The following CLDN16 variants were observed in gnomAD, a reference collection of about 807,000 sequenced individuals.
CLDN16 encodes the protein claudin 16, also known as claudin-16.
CLDN16 carries 13 observed loss-of-function variants against 24.6 expected under a neutral mutation model. The observed-to-expected ratio is 0.53, with a 90% confidence interval of 0.34 to 0.84. The LOEUF (loss-of-function observed/expected upper bound fraction) is 0.84. CLDN16 is among the 40% of genes least tolerant of loss of function. The pLI is 0.01. For missense variants in CLDN16, 298 were observed against 292.7 expected (o/e 1.02, Z -0.13); for synonymous variants, 116 against 106.7 (o/e 1.09, Z -0.54).
At chr3:190,376,980 C>T (rs1718261405) in intron 3 of CLDN16, among the ~76,000 whole-genome samples, 1 of 151,900 alleles carries the variant, frequency 6.6e-6, no homozygotes, top group South Asian at 2.1e-4. Flanking sequence ...ATGATGAAAC[C>T]TGAGTCTAGA....
At chr3:190,407,887 C>T (rs141841751) in intron 3 of CLDN16, among the ~76,000 whole-genome samples, 12 of 152,266 alleles carry the variant, frequency 7.9e-5, no homozygotes, top group African/African-American at 2.6e-4. Context: ...GATATTTACT[C>T]ACAATTTAAA....
upstream of CLDN16, chr3:190,322,396 G>A (rs570196629): frequency 3.2e-6 from 2 of 629,386 alleles, no homozygotes; most frequent in East Asian, 5.5e-5. Flanking sequence ...GGGCGGCGCT[G>A]GAGTCTGGAT....
chr3:190,394,502 T>A (rs1313455842), intron 1 of CLDN16, among the ~76,000 whole-genome samples: 2 of 152,162 alleles, frequency 1.3e-5, no homozygotes, highest in Admixed American at 1.3e-4. Flanking sequence ...ATTAAAATTA[T>A]TATATCCAGC....
At chr3:190,388,085 C>T (rs376639837), upstream of CLDN16, 30 of 1,601,536 alleles carry the variant, frequency 1.9e-5, no homozygotes, top group East Asian at 5.4e-4. Context: ...CTTGCACTGA[C>T]CTGCCTTCTG....
At chr3:190,305,942 T>C in the CLDN16 span, 33 of 152,312 alleles carry the variant, frequency 2.2e-4, 1 homozygote, top group African/African-American at 7.7e-4. Flanking sequence ...ATCATGAAGA[T>C]CTATGTATGT....
chr3:190,308,372 G>A, the CLDN16 span: 1 of 1,613,810 alleles, frequency 6.2e-7, no homozygotes, highest in Admixed American at 1.7e-5. Flanking sequence ...CAGCAAAGTA[G>A]GGCACCTCCC....
the CLDN16 span, among the ~76,000 whole-genome samples, chr3:190,291,378 G>T: frequency 6.6e-6 from 1 of 152,136 alleles, no homozygotes; most frequent in African/African-American, 2.4e-5. Flanking sequence ...AATCATGGTG[G>T]AAGGGGAGGC....
intron 2 of CLDN16, among the ~76,000 whole-genome samples, 200 bp downstream of exon 2, chr3:190,402,639 G>A (rs1165330139): frequency 6.6e-6 from 1 of 152,016 alleles, no homozygotes; most frequent in Non-Finnish European, 1.5e-5. Context: ...TCATATATTT[G>A]TAAATTCATT....
the CLDN16 span, among the ~76,000 whole-genome samples, chr3:190,300,557 C>T: frequency 5.3e-5 from 8 of 152,274 alleles, no homozygotes; most frequent in East Asian, 3.9e-4. Context: ...ACGATACAAG[C>T]GACTGAATAT....
In CLDN16 at chr3:190,388,318, C is replaced by T. The variant is rs753832878; in HGVS notation, c.-12C>T. On this transcript the variant is annotated 5_prime_UTR_variant, in exon 1 of 5. Coordinates refer to ENST00000264734, the MANE Select transcript of CLDN16 (RefSeq NM_006580.4). ...CTGCCCATGTTGCCATCCTGATGGG[C>T]TGCTTGCCACAATGAGGGATCTTCT... 6.2e-7 allele frequency: 1 copy of T among 1,614,166 alleles called. No individual in the cohort carries two copies. The highest frequency in any genetic ancestry group is 8.5e-7 in the Non-Finnish European group (1 of 1,180,016).
At position 190,360,050 on chromosome 3, in the gene CLDN16, C is replaced by G. The variant is rs148032047; in HGVS notation, n.122-10843C>G. Among the ~76,000 whole-genome samples, 217 of 152,086 alleles carry G rather than the reference C, an allele frequency of 1.4e-3. 2 individuals are homozygous for G. Among genetic ancestry groups the G allele is most frequent in the African/African-American group, 4.1e-3 (170 of 41,540 alleles). ...GGGCTGAGCTGAGACTGAGGCTTGG[C>G]TGACCCTTGGTCTTTAAACTGTAGA... is the stretch of plus-strand genomic sequence containing the variant. On this transcript the variant is annotated intron_variant and non_coding_transcript_variant, in intron 1 of 4. Transcript: ENST00000468220.
exon 1 of CLDN16, chr3:190,322,641 C>T (rs879298209): frequency 3.9e-6 from 1 of 258,158 alleles, no homozygotes; most frequent in Non-Finnish European, 7.6e-6. Flanking sequence ...CTCGCTTTCT[C>T]TCGTGGATCT....
At chr3:190,407,420 C>G (rs1188749527) in intron 3 of CLDN16, among the ~76,000 whole-genome samples, 1 of 152,096 alleles carries the variant, frequency 6.6e-6, no homozygotes, top group East Asian at 1.9e-4. Flanking sequence ...GAAAATCCAA[C>G]TCAAGCAGAC....
At position 190,376,718 on chromosome 3, in the gene CLDN16, T is replaced by G. The variant is rs545631522; in HGVS notation, n.306+2115T>G. 4.6e-5 allele frequency among the ~76,000 whole-genome samples: 7 copies of G among 152,098 alleles called. No homozygotes were observed. In the South Asian group the frequency reaches 1.2e-3, roughly 27 times the overall value. Reference sequence around the variant, plus strand: ...CCATGAGAGAAATGTAAGGCATTTCTCTGCCCATAAAGAATTCCCATCCTG... The same window carrying G: ...CCATGAGAGAAATGTAAGGCATTTCGCTGCCCATAAAGAATTCCCATCCTG... On this transcript the variant is annotated intron_variant and non_coding_transcript_variant, in intron 3 of 4. Coordinates refer to the CLDN16 transcript ENST00000468220.
chr3:190,363,556 G>GTGTATATATATATATA (rs1301414615), intron 1 of CLDN16, among the ~76,000 whole-genome samples: 29 of 87,380 alleles, frequency 3.3e-4, no homozygotes, highest in African/African-American at 1.4e-3. Flanking sequence ...GTGTGTGTGT[G>GTGTATATATATATATA]TATATATATA....
chr3:190,312,861 G>A, the CLDN16 span: 1 of 1,613,550 alleles, frequency 6.2e-7, no homozygotes, highest in South Asian at 1.1e-5. Context: ...GGGGGGCACA[G>A]CCTCTATTAC....
At chr3:190,312,936 C>G in the CLDN16 span, 2 of 1,614,194 alleles carry the variant, frequency 1.2e-6, no homozygotes, top group East Asian at 2.2e-5. Context: ...CATCGTCTTC[C>G]AAGCACTTCA....
At chr3:190,342,818 A>T (rs1717467468) in intron 1 of CLDN16, among the ~76,000 whole-genome samples, 2 of 152,216 alleles carry the variant, frequency 1.3e-5, no homozygotes, top group Admixed American at 6.5e-5. Context: ...TTTAGAATGG[A>T]TTAAAGACTT....
Position 190,338,208 on chromosome 3 carries a change from C to T in CLDN16, n.121+15547C>T, listed in dbSNP as rs1409894670. 7.9e-5 allele frequency among the ~76,000 whole-genome samples: 12 copies of T among 151,988 alleles called. No homozygotes were observed. The East Asian group carries it at 1.5e-3, about 20-fold the overall frequency. On this transcript the variant is annotated intron_variant and non_coding_transcript_variant, in intron 1 of 4. Coordinates refer to the CLDN16 transcript ENST00000468220. ...TTTAGAGCCTGTGGATCCAGAGGTC[C>T]CAGAGAAGATATGCTTTCACTCAGG...
Sources: allele counts gnomAD v4.1 joint callset (sites outside exome capture counted in the v4.1 genomes callset), GRCh38; gene constraint gnomAD v4.1.1; transcripts MANE v1.5; gene names NCBI Gene and HGNC (gene_info 2026-07-23, HGNC 2026-07-21).